The following PAPSS1 variants were observed in gnomAD, a reference collection of about 807,000 sequenced individuals.
PAPSS1 encodes 3'-phosphoadenosine 5'-phosphosulfate synthase 1.
In PAPSS1, 50 loss-of-function variants were observed where a neutral mutation model predicts 72.0. That is an observed-to-expected ratio of 0.69 (90% CI 0.55 to 0.88). The LOEUF is 0.88. Ranked by LOEUF, PAPSS1 falls within the 40% of genes least tolerant of loss-of-function variation. PAPSS1 has a pLI of 0.00. For synonymous variants in PAPSS1, 261 were observed against 263.6 expected, an observed-to-expected ratio of 0.99 and a Z score of 0.09; for missense variants, 657 against 782.2, an observed-to-expected ratio of 0.84 and a Z score of 1.91.
At chr4:107,661,359 T>C (rs954137393) in intron 5 of PAPSS1, among the ~76,000 whole-genome samples, 15 of 152,178 alleles carry the variant, frequency 9.9e-5, no homozygotes, top group African/African-American at 2.7e-4. Flanking sequence ...CCCCAATGAG[T>C]TGAAAACGTA....
chr4:107,719,187 G>GTTTTTTTTTTTTTT (rs9307313), intron 1 of PAPSS1, among the ~76,000 whole-genome samples: 8 of 146,396 alleles, frequency 5.5e-5, no homozygotes, highest in Non-Finnish European at 6.0e-5. Context: ...GAAATTGCTT[G>GTTTTTTTTTTTTTT]TTTTTTTTTT....
At chr4:107,651,084 G>T (rs1726827466) in intron 9 of PAPSS1, among the ~76,000 whole-genome samples, 1 of 152,158 alleles carries the variant, frequency 6.6e-6, no homozygotes, top group African/African-American at 2.4e-5. Flanking sequence ...CTGTTATACA[G>T]GCAGTACCAA....
rs894849407 is a variant in PAPSS1 at position 107,707,008 on chromosome 4, G to C, written c.61-5723C>G. On this transcript the variant is annotated intron_variant, in intron 1 of 11. Coordinates refer to ENST00000265174, the MANE Select transcript of PAPSS1 (RefSeq NM_005443.5). ...GCTGACCTAGATGCTCAGCATATGGGTGCTGGCCTGGAACCTGGGTCCACA... is the reference window on the plus strand; with the variant it reads ...GCTGACCTAGATGCTCAGCATATGGCTGCTGGCCTGGAACCTGGGTCCACA... 7.2e-5 allele frequency among the ~76,000 whole-genome samples: 11 copies of C among 152,278 alleles called. 1 individual carries two copies. Among genetic ancestry groups the C allele is most frequent in the South Asian group, 2.1e-4 (1 of 4,830 alleles).
At chr4:107,645,466 C>T (rs17037946) in intron 9 of PAPSS1, among the ~76,000 whole-genome samples, 28,169 of 152,054 alleles carry the variant, frequency 0.19, 3,001 homozygotes, top group East Asian at 0.37. Flanking sequence ...TCCCTCCAAA[C>T]GACCTAATAT....
intron 1 of PAPSS1, chr4:107,719,854 C>G: frequency 7.5e-7 from 1 of 1,339,134 alleles, no homozygotes; most frequent in Non-Finnish European, 9.5e-7. Flanking sequence ...TGAGCGGAGG[C>G]GCTGGGGAGG....
chr4:107,703,814 G>C (rs1723268543), intron 1 of PAPSS1, among the ~76,000 whole-genome samples: 2 of 152,148 alleles, frequency 1.3e-5, no homozygotes, highest in South Asian at 2.1e-4. Flanking sequence ...CTTTGCTCAA[G>C]ATTGCTTTGG....
intron 10 of PAPSS1, among the ~76,000 whole-genome samples, chr4:107,640,242 A>C (rs1490740478): frequency 6.6e-6 from 1 of 152,218 alleles, no homozygotes. Context: ...CCATTTTAGC[A>C]TTAGAAAGTT....
chr4:107,672,262 G>A (rs1344842888), intron 5 of PAPSS1, among the ~76,000 whole-genome samples: 1 of 152,190 alleles, frequency 6.6e-6, no homozygotes, highest in African/African-American at 2.4e-5. Flanking sequence ...ATGAAGCAGG[G>A]CGAGGCATCG....
At chr4:107,676,235 A>T (rs535025905) in intron 5 of PAPSS1, among the ~76,000 whole-genome samples, 11 of 152,350 alleles carry the variant, frequency 7.2e-5, no homozygotes, top group African/African-American at 2.6e-4. Context: ...GAAAAGAGGA[A>T]GTCAAATTGT....
intron 5 of PAPSS1, among the ~76,000 whole-genome samples, chr4:107,673,153 C>T (rs925794530): frequency 2.0e-5 from 3 of 152,024 alleles, no homozygotes; most frequent in Non-Finnish European, 4.4e-5. Context: ...AATCAGAGCA[C>T]CTCTCCTCCT....
chr4:107,703,361 T>C (rs779833587), intron 1 of PAPSS1, among the ~76,000 whole-genome samples: 32 of 151,764 alleles, frequency 2.1e-4, no homozygotes, highest in Middle Eastern at 6.8e-3. Flanking sequence ...TTATTTGATG[T>C]ACTCCCATTT....
chr4:107,678,663 G>A (rs1419537436), intron 5 of PAPSS1, among the ~76,000 whole-genome samples: 1 of 151,910 alleles, frequency 6.6e-6, no homozygotes, highest in African/African-American at 2.4e-5. Context: ...TTAGTACAAT[G>A]GGGGACCGGG....
At position 107,656,953 on chromosome 4, in the gene PAPSS1, C is replaced by T. The variant is rs1413320144; in HGVS notation, c.838G>A (p.Gly280Ser). Reference sequence around the variant, plus strand: ...AAGTACTCCCTCTCTCTCATAAAGCCATTCAATGGGGTTGCCCAACCTTCT... The same window carrying T: ...AAGTACTCCCTCTCTCTCATAAAGCTATTCAATGGGGTTGCCCAACCTTCT... ...LAEGWATPLNGFMREREYLQC... is the reference protein window; with the variant it reads ...LAEGWATPLNSFMREREYLQC... The change falls in exon 7 of 12, where the codon GGC (glycine) becomes AGC (serine). Residue 280 changes from glycine to serine, a missense_variant. Around this residue, in one of 7 missense-constraint regions of PAPSS1, gnomAD observed 190 missense variants for 176.7 expected, o/e 1.07. Coordinates refer to ENST00000265174, the MANE Select transcript of PAPSS1 (RefSeq NM_005443.5). 3 of 1,613,968 alleles carry T rather than the reference C, an allele frequency of 1.9e-6. No individual in the cohort carries two copies. The highest frequency in any genetic ancestry group is 2.5e-6 in the Non-Finnish European group (3 of 1,179,902).
chr4:107,667,167 C>A (rs1727341946), intron 5 of PAPSS1, among the ~76,000 whole-genome samples: 1 of 152,148 alleles, frequency 6.6e-6, no homozygotes, highest in African/African-American at 2.4e-5. Flanking sequence ...GTAAAGCCTA[C>A]ATAAAAACTT....
chr4:107,679,709 C>T (rs527506534), intron 5 of PAPSS1, among the ~76,000 whole-genome samples: 54 of 149,650 alleles, frequency 3.6e-4, no homozygotes, highest in African/African-American at 1.2e-3. Context: ...GACAGAATCT[C>T]GCTCTGTCAC....
intron 9 of PAPSS1, among the ~76,000 whole-genome samples, chr4:107,648,875 A>G (rs994534845): frequency 2.6e-5 from 4 of 152,130 alleles, no homozygotes; most frequent in Non-Finnish European, 4.4e-5. Flanking sequence ...TTTTACTCAA[A>G]CTGCTTAAGA....
intron 11 of PAPSS1, among the ~76,000 whole-genome samples, chr4:107,615,148 C>G (rs1432578898): frequency 6.6e-6 from 1 of 151,958 alleles, no homozygotes; most frequent in Non-Finnish European, 1.5e-5. Context: ...CAAGACACAA[C>G]AGAGGTAGTG....
intron 7 of PAPSS1, 86 bp from the exon 8 acceptor site, chr4:107,654,986 C>A: frequency 5.4e-6 from 5 of 919,332 alleles, no homozygotes; most frequent in Non-Finnish European, 8.4e-6. Flanking sequence ...TCAGGGGACA[C>A]TTTTCAAATA....
At chr4:107,646,314 C>T (rs200536211) in intron 9 of PAPSS1, among the ~76,000 whole-genome samples, 4,277 of 98,992 alleles carry the variant, frequency 0.043, 188 homozygotes, top group African/African-American at 0.12. Context: ...TATATATACA[C>T]ACACACACAC....
Sources: gnomAD v4.1 joint callset for allele counts (sites outside exome capture counted in the v4.1 genomes callset) on GRCh38, gnomAD v4.1.1 for gene constraint, gnomAD v4.1.1 regional missense constraint, MANE v1.5 for transcripts, NCBI Gene and HGNC (gene_info 2026-07-23, HGNC 2026-07-21) for gene names.